HIPK2: variants seen among roughly 807,000 people sequenced by gnomAD.
HIPK2 encodes homeodomain interacting protein kinase 2.
Under a neutral mutation model 113.7 loss-of-function variants are expected in HIPK2, and 27 were observed. That is an observed-to-expected ratio of 0.24 (90% CI 0.17 to 0.33). The LOEUF is 0.33. Ranked by LOEUF, HIPK2 falls within the 10% of genes least tolerant of loss-of-function variation. The probability of loss-of-function intolerance (pLI) is 1.00; values close to 1 mark genes in which losing one functional copy is unlikely to be tolerated. For missense variants in HIPK2, 1,257 were observed against 1,588.0 expected, an observed-to-expected ratio of 0.79 and a Z score of 3.54; for synonymous variants, 631 against 642.2, an observed-to-expected ratio of 0.98 and a Z score of 0.26.
intron 2 of HIPK2, among the ~76,000 whole-genome samples, chr7:139,666,560 T>TA (rs1170080753): frequency 1.3e-5 from 2 of 152,112 alleles, no homozygotes; most frequent in Admixed American, 1.3e-4. Flanking sequence ...TGGGAGTAGG[T>TA]AAAAGACTCT....
chr7:139,656,605 T>C (rs1801677513), intron 2 of HIPK2, among the ~76,000 whole-genome samples: 1 of 152,186 alleles, frequency 6.6e-6, no homozygotes, highest in South Asian at 2.1e-4. Context: ...ATCCCACAGC[T>C]TTCCTCAAGA....
At chr7:139,654,550 AG>A (rs1313009325) in intron 2 of HIPK2, among the ~76,000 whole-genome samples, 2 of 152,146 alleles carry the variant, frequency 1.3e-5, no homozygotes, top group East Asian at 3.9e-4. Context: ...AAAACCCCAA[AG>A]CAAAAAACAC....
intron 12 of HIPK2, among the ~76,000 whole-genome samples, chr7:139,593,401 A>G (rs144462365): frequency 2.7e-4 from 41 of 152,296 alleles, no homozygotes; most frequent in South Asian, 1.9e-3. Context: ...TCTGCCTCCA[A>G]CATGCCCTGG....
intron 2 of HIPK2, among the ~76,000 whole-genome samples, chr7:139,661,198 GA>G (rs1801856926): frequency 1.3e-5 from 2 of 152,182 alleles, no homozygotes; most frequent in South Asian, 4.1e-4. Context: ...AAGCTGGTAT[GA>G]ACTGGCTCCA....
intron 1 of HIPK2, among the ~76,000 whole-genome samples, chr7:139,727,424 A>T (rs1259970440): frequency 6.6e-6 from 1 of 152,162 alleles, no homozygotes; most frequent in Non-Finnish European, 1.5e-5. Flanking sequence ...TCTTCCAAGA[A>T]ATGTGGTTCT....
intron 2 of HIPK2, among the ~76,000 whole-genome samples, chr7:139,675,685 C>T (rs1356561168): frequency 6.6e-6 from 1 of 152,132 alleles, no homozygotes; most frequent in Non-Finnish European, 1.5e-5. Context: ...GCAAAGATCA[C>T]CAGAGAGGAA....
rs371254749 is a variant in HIPK2 at position 139,567,344 on chromosome 7, G to C, written c.*5583C>G. On this transcript the variant is annotated 3_prime_UTR_variant, in exon 15 of 15. Coordinates refer to ENST00000406875, the MANE Select transcript of HIPK2 (RefSeq NM_022740.5). ...TCTCCCGATAGCAGCAGCATCGAAG[G>C]GGTCACCTCCACTCCTCTTAAAAGA... 2.6e-5 allele frequency: 4 copies of C among 151,966 alleles called. No homozygotes were observed. The highest frequency in any genetic ancestry group is 9.7e-5 in the African/African-American group (4 of 41,356). 9.4% of individuals were successfully genotyped at this position (151,966 alleles called of 1,614,324 possible). A position where few individuals can be genotyped will look rare whatever the true frequency, so the allele number is the denominator to read the frequency against.
At chr7:139,620,958 T>C (rs1401392282) in intron 6 of HIPK2, among the ~76,000 whole-genome samples, 2 of 152,182 alleles carry the variant, frequency 1.3e-5, no homozygotes, top group East Asian at 1.9e-4. Context: ...TAGTCACTTA[T>C]AACCCGCCTC....
chr7:139,660,291 T>C (rs1229952619), intron 2 of HIPK2, among the ~76,000 whole-genome samples: 1 of 141,196 alleles, frequency 7.1e-6, no homozygotes, highest in Admixed American at 7.3e-5. Context: ...AACAACCAAT[T>C]TTTTGTTGTT....
At chr7:139,593,804 ATG>A (rs1799106638) in intron 12 of HIPK2, among the ~76,000 whole-genome samples, 4 of 152,328 alleles carry the variant, frequency 2.6e-5, no homozygotes, top group African/African-American at 4.8e-5. Flanking sequence ...AGGATGATCA[ATG>A]TGTAGGAGGG....
intron 1 of HIPK2, among the ~76,000 whole-genome samples, chr7:139,726,739 G>A (rs1795587893): frequency 6.6e-6 from 1 of 152,192 alleles, no homozygotes; most frequent in Non-Finnish European, 1.5e-5. Flanking sequence ...GGCTGGGCCT[G>A]CATGGGATTA....
intron 2 of HIPK2, among the ~76,000 whole-genome samples, chr7:139,655,687 A>G (rs886503668): frequency 6.6e-6 from 1 of 152,118 alleles, no homozygotes; most frequent in African/African-American, 2.4e-5. Flanking sequence ...TCATTTCCTA[A>G]GCAACCCACA....
chr7:139,760,552 C>T (rs1399403274), intron 1 of HIPK2, among the ~76,000 whole-genome samples: 1 of 152,084 alleles, frequency 6.6e-6, no homozygotes, highest in Non-Finnish European at 1.5e-5. Flanking sequence ...TTAAACTTTC[C>T]TCTGTAGTTC....
At chr7:139,682,006 G>A (rs544387140) in intron 2 of HIPK2, among the ~76,000 whole-genome samples, 5 of 152,300 alleles carry the variant, frequency 3.3e-5, no homozygotes, top group African/African-American at 1.2e-4. Context: ...TGACACTCCT[G>A]TTACTCGTGC....
At chr7:139,677,096 G>A (rs1216122984) in intron 2 of HIPK2, among the ~76,000 whole-genome samples, 2 of 151,790 alleles carry the variant, frequency 1.3e-5, no homozygotes, top group Non-Finnish European at 2.9e-5. Flanking sequence ...CCTGACCTCA[G>A]GTGATCCACC....
chr7:139,690,538 T>G (rs1346319221), intron 2 of HIPK2, among the ~76,000 whole-genome samples: 1 of 151,950 alleles, frequency 6.6e-6, no homozygotes, highest in Non-Finnish European at 1.5e-5. Context: ...GAGCTAGTTG[T>G]AAAAAAGAGC....
intron 1 of HIPK2, among the ~76,000 whole-genome samples, chr7:139,734,760 C>G (rs962487730): frequency 6.6e-6 from 1 of 152,194 alleles, no homozygotes; most frequent in African/African-American, 2.4e-5. Context: ...CAAATACACA[C>G]TACTGTGGAC....
chr7:139,749,168 G>T (rs1391441457), intron 1 of HIPK2, among the ~76,000 whole-genome samples: 1 of 152,178 alleles, frequency 6.6e-6, no homozygotes. Flanking sequence ...AACAAATGAA[G>T]AAAGTCCCTC....
chr7:139,763,485 C>A (rs934597534), intron 1 of HIPK2, among the ~76,000 whole-genome samples: 1 of 90,572 alleles, frequency 1.1e-5, no homozygotes, highest in East Asian at 2.7e-4. Flanking sequence ...CCCCCCCCCA[C>A]ACGCCCCTCC....
Sources: gnomAD v4.1 joint callset for allele counts (sites outside exome capture counted in the v4.1 genomes callset) on GRCh38, gnomAD v4.1.1 for gene constraint, MANE v1.5 for transcripts, NCBI Gene and HGNC (gene_info 2026-07-23, HGNC 2026-07-21) for gene names.